The following RALYL variants were observed in gnomAD, a reference collection of about 807,000 sequenced individuals.
The protein encoded by RALYL is RNA-binding Raly-like protein.
A neutral mutation model predicts 35.1 loss-of-function variants in RALYL; 29 were observed. The observed-to-expected ratio is 0.83, with a 90% CI of 0.61 to 1.13. The LOEUF (loss-of-function observed/expected upper bound fraction) is 1.13. RALYL is among the 50% of genes most tolerant of loss of function. The pLI is 0.00. For synonymous variants in RALYL, 120 were observed against 127.6 expected, an observed-to-expected ratio of 0.94 and a Z score of 0.40; for missense variants, 359 against 360.4, an observed-to-expected ratio of 1.00 and a Z score of 0.03.
At chr8:84,574,935 A>G (rs901568879) in intron 2 of RALYL, among the ~76,000 whole-genome samples, 1 of 152,160 alleles carries the variant, frequency 6.6e-6, no homozygotes, top group Non-Finnish European at 1.5e-5. Context: ...TACGTGACAT[A>G]TAAGGTAAAA....
At chr8:84,603,504 A>C (rs1034273753) in intron 2 of RALYL, among the ~76,000 whole-genome samples, 3 of 151,958 alleles carry the variant, frequency 2.0e-5, no homozygotes, top group Admixed American at 1.3e-4. Context: ...AGAAAAGGAG[A>C]GTGGGAAAAA....
intron 1 of RALYL, among the ~76,000 whole-genome samples, chr8:84,191,064 A>C (rs1813727920): frequency 6.6e-6 from 1 of 151,936 alleles, no homozygotes; most frequent in Admixed American, 6.6e-5. Flanking sequence ...CTGTCATTAA[A>C]ATCCATGAAT....
chr8:84,842,590 A>G lies in RALYL; in HGVS notation c.366-7390A>G, dbSNP rs549303723. 6.6e-5 allele frequency among the ~76,000 whole-genome samples: 10 copies of G among 152,322 alleles called. No individual in the cohort carries two copies. The East Asian group carries it at 1.9e-3, about 29-fold the overall frequency. ...CTGAAACTATTCCAATCAATAGAAAAAGAAGGAATCCTCCCTAACTAATTT... is the reference window on the plus strand; with the variant it reads ...CTGAAACTATTCCAATCAATAGAAAGAGAAGGAATCCTCCCTAACTAATTT... On this transcript the variant is annotated intron_variant, in intron 4 of 8. Coordinates refer to ENST00000521268, the MANE Select transcript of RALYL (RefSeq NM_173848.7).
intron 2 of RALYL, among the ~76,000 whole-genome samples, chr8:84,689,426 C>T (rs966318421): frequency 1.4e-4 from 22 of 152,208 alleles, no homozygotes; most frequent in African/African-American, 5.3e-4. Flanking sequence ...TTTATGGCTG[C>T]ATAGTATTCC....
chr8:84,565,016 T>G (rs199855460), intron 2 of RALYL, among the ~76,000 whole-genome samples: 1 of 151,680 alleles, frequency 6.6e-6, no homozygotes, highest in African/African-American at 2.4e-5. Flanking sequence ...GTTAATGTGC[T>G]TTCATAATTT....
At chr8:84,300,854 C>G (rs545981038) in intron 1 of RALYL, among the ~76,000 whole-genome samples, 8 of 151,960 alleles carry the variant, frequency 5.3e-5, no homozygotes, top group South Asian at 2.1e-4. Context: ...GCCAGCATAC[C>G]TTTTAAGTGG....
At chr8:84,584,199 T>A (rs1424118495) in intron 2 of RALYL, among the ~76,000 whole-genome samples, 1 of 152,162 alleles carries the variant, frequency 6.6e-6, no homozygotes, top group Non-Finnish European at 1.5e-5. Context: ...TGGACATATT[T>A]TAATTGGAAA....
intron 1 of RALYL, among the ~76,000 whole-genome samples, chr8:84,373,954 A>G (rs893173782): frequency 6.6e-6 from 1 of 151,516 alleles, no homozygotes; most frequent in Non-Finnish European, 1.5e-5. Flanking sequence ...TAGCTGTTTT[A>G]TTCTTTTTGT....
At position 84,211,810 on chromosome 8, in the gene RALYL, C is replaced by G. The variant is rs111561238; in HGVS notation, c.-24+27386C>G. 7.6e-4 allele frequency among the ~76,000 whole-genome samples: 116 copies of G among 152,004 alleles called. 1 individual carries two copies. The highest frequency in any genetic ancestry group is 2.5e-3 in the African/African-American group (102 of 41,486). On this transcript the variant is annotated intron_variant, in intron 1 of 8. Coordinates refer to ENST00000521268, the MANE Select transcript of RALYL (RefSeq NM_173848.7). ...TTTAGAATTATAGAAAATACATGAA[C>G]CTGGAAAATTAACCCTAGGGAAAAA...
intron 3 of RALYL, among the ~76,000 whole-genome samples, chr8:84,781,029 T>A (rs1818026880): frequency 6.6e-6 from 1 of 152,058 alleles, no homozygotes; most frequent in Non-Finnish European, 1.5e-5. Flanking sequence ...TGTCTAATTC[T>A]TTTTTGTATT....
At chr8:84,828,070 A>G (rs10102085) in intron 4 of RALYL, among the ~76,000 whole-genome samples, 38,746 of 152,020 alleles carry the variant, frequency 0.25, 7,448 homozygotes, top group African/African-American at 0.54. Flanking sequence ...ATCAACAAAT[A>G]TTGAACTGCA....
chr8:84,328,115 A>T (rs1383152507), intron 1 of RALYL, among the ~76,000 whole-genome samples: 1 of 152,138 alleles, frequency 6.6e-6, no homozygotes, highest in Non-Finnish European at 1.5e-5. Flanking sequence ...AACATTAATT[A>T]TTGGGAATTA....
At chr8:84,717,135 C>T (rs1215573255) in intron 2 of RALYL, among the ~76,000 whole-genome samples, 3 of 152,162 alleles carry the variant, frequency 2.0e-5, no homozygotes, top group Middle Eastern at 3.4e-3. Flanking sequence ...TGCAGTGAGC[C>T]GAGATCACGC....
At chr8:84,345,251 A>T (rs1350620799) in intron 1 of RALYL, among the ~76,000 whole-genome samples, 1 of 152,010 alleles carries the variant, frequency 6.6e-6, no homozygotes, top group Non-Finnish European at 1.5e-5. Flanking sequence ...AGTGGGCCTC[A>T]GAAAGTCACC....
chr8:84,241,828 A>G (rs1237946343), intron 1 of RALYL, among the ~76,000 whole-genome samples: 1 of 152,092 alleles, frequency 6.6e-6, no homozygotes, highest in East Asian at 1.9e-4. Flanking sequence ...AAATATTAGT[A>G]ACCACACTTT....
At chr8:84,693,830 G>T (rs1838578511) in intron 2 of RALYL, among the ~76,000 whole-genome samples, 2 of 151,748 alleles carry the variant, frequency 1.3e-5, no homozygotes, top group Admixed American at 1.3e-4. Flanking sequence ...CAATAAATGT[G>T]ATTCACCGTA....
chr8:84,454,539 G>GT (rs1334439727), intron 1 of RALYL, among the ~76,000 whole-genome samples: 4 of 152,036 alleles, frequency 2.6e-5, no homozygotes, highest in African/African-American at 9.7e-5. Flanking sequence ...TGTGTTCGAG[G>GT]TGGGGTCCTT....
intron 3 of RALYL, among the ~76,000 whole-genome samples, chr8:84,801,849 A>G (rs986875378): frequency 2.0e-5 from 3 of 152,200 alleles, no homozygotes; most frequent in African/African-American, 7.2e-5. Flanking sequence ...AAAGGTGGTA[A>G]CACAAAAACA....
rs554737800 is a variant in RALYL, at chr8:84,510,413, G to A, written c.-23-18886G>A. On this transcript the variant is annotated intron_variant, in intron 1 of 8. Coordinates refer to ENST00000521268, the MANE Select transcript of RALYL (RefSeq NM_173848.7). ...TCTGTGAGTCTCAATACTCCACAAAGTGTCTAAAACCCTGGAGTATCATAT... is the reference window on the plus strand; with the variant it reads ...TCTGTGAGTCTCAATACTCCACAAAATGTCTAAAACCCTGGAGTATCATAT... Among the ~76,000 whole-genome samples, 13 of 152,210 alleles carry A rather than the reference G, an allele frequency of 8.5e-5. No individual in the cohort carries two copies. In the East Asian group the frequency reaches 2.1e-3, roughly 25 times the overall value.
Sources: allele counts gnomAD v4.1 joint callset (sites outside exome capture counted in the v4.1 genomes callset), GRCh38; gene constraint gnomAD v4.1.1; transcripts MANE v1.5; gene names NCBI Gene and HGNC (gene_info 2026-07-23, HGNC 2026-07-21).